Variants in ANKRD17 observed in about 807,000 individuals in gnomAD.
ANKRD17 encodes the protein ankyrin repeat domain-containing protein 17.
A neutral mutation model predicts 229.7 loss-of-function variants in ANKRD17; 19 were observed. The ratio of observed to expected loss-of-function variants is 0.08; its 90% CI spans 0.06 to 0.12. ANKRD17 has a LOEUF of 0.12. Ranked by LOEUF, ANKRD17 falls within the 10% of genes least tolerant of loss-of-function variation. The probability of loss-of-function intolerance (pLI) is 1.00; values close to 1 mark genes in which losing one functional copy is unlikely to be tolerated. For missense variants in ANKRD17, 2,176 were observed against 3,176.8 expected (o/e 0.68, Z 7.57); for synonymous variants, 1,112 against 1,146.1 (o/e 0.97, Z 0.60).
At chr4:73,207,872 A>G (rs926496364) in intron 1 of ANKRD17, among the ~76,000 whole-genome samples, 1 of 152,182 alleles carries the variant, frequency 6.6e-6, no homozygotes, top group Non-Finnish European at 1.5e-5. Flanking sequence ...AAACAAGTAG[A>G]CAGAAAAATC....
At position 73,097,198 on chromosome 4, in the gene ANKRD17, G is replaced by C; in HGVS notation, c.5096C>G (p.Ser1699Cys). 3 of 1,612,480 alleles carry C rather than the reference G, an allele frequency of 1.9e-6. No homozygotes were observed. Among genetic ancestry groups the C allele is most frequent in the Admixed American group, 1.7e-5 (1 of 59,762 alleles). ...TCTKSGPSPL[S>C]SPNGKLTVAS... ...TACTGTTAACTTCCCATTTGGAGAA[G>C]AAAGGGGAGATGGACCAGATTTTGT... is the stretch of plus-strand genomic sequence containing the variant. Residue 1699 changes from serine to cysteine, a missense_variant, in exon 27 of 34, where the codon TCT (serine) becomes TGT (cysteine). Coordinates refer to ENST00000358602, the MANE Select transcript of ANKRD17 (RefSeq NM_032217.5).
intron 1 of ANKRD17, among the ~76,000 whole-genome samples, chr4:73,228,783 G>A (rs9291182): frequency 0.58 from 88,237 of 151,972 alleles, 25,918 homozygotes; most frequent in South Asian, 0.65. Flanking sequence ...TGTTTCTAAC[G>A]TTCATACCCA....
chr4:73,200,199 T>C (rs1738464421), intron 1 of ANKRD17, among the ~76,000 whole-genome samples: 1 of 152,168 alleles, frequency 6.6e-6, no homozygotes, highest in Admixed American at 6.5e-5. Flanking sequence ...CAGTATTTAG[T>C]AAATAAATCT....
At chr4:73,189,569 C>T (rs1035243346) in intron 1 of ANKRD17, among the ~76,000 whole-genome samples, 6 of 151,928 alleles carry the variant, frequency 3.9e-5, no homozygotes, top group Admixed American at 6.6e-5. Flanking sequence ...GCTACCATTC[C>T]GCCCCCTCAG....
At position 73,091,293 on chromosome 4, in the gene ANKRD17, G is replaced by A. The variant is rs199889174; in HGVS notation, c.6335C>T (p.Pro2112Leu). The A allele has an allele frequency of 7.0e-5, 113 of 1,614,030 alleles. No homozygotes were observed. Among genetic ancestry groups the A allele is most frequent in the Middle Eastern group, 1.6e-4 (1 of 6,084 alleles). The change falls in exon 29 of 34, where the codon CCG becomes CTG. Residue 2112 changes from proline to leucine, a missense_variant. By Grantham distance (98) the Pro-to-Leu change is moderately conservative. Transcript: ENST00000358602. The part of the protein sequence containing the change: ...SSAHSNQQQP[P>L]GSVSQEPRPP... ...TCTTGGTTCCTGAGAAACAGATCCC[G>A]GAGGTTGTTGCTGATTAGAATGAGC...
chr4:73,123,010 T>C (rs1264554299), intron 18 of ANKRD17, among the ~76,000 whole-genome samples: 1 of 152,052 alleles, frequency 6.6e-6, no homozygotes, highest in African/African-American at 2.4e-5. Flanking sequence ...CCTCTTCTAT[T>C]GACACCAAAT....
intron 1 of ANKRD17, among the ~76,000 whole-genome samples, chr4:73,215,446 G>C (rs1412707437): frequency 1.3e-5 from 2 of 152,126 alleles, no homozygotes; most frequent in African/African-American, 2.4e-5. Flanking sequence ...TTTTAGTAGA[G>C]ACAGGGTTTC....
At chr4:73,111,518 T>C (rs187766573) in intron 24 of ANKRD17, among the ~76,000 whole-genome samples, 6 of 152,228 alleles carry the variant, frequency 3.9e-5, no homozygotes, top group Non-Finnish European at 5.9e-5. Context: ...TTTCAGACCA[T>C]AGGGAAAGCA....
chr4:73,176,761 T>C lies in ANKRD17; in HGVS notation c.547+619A>G, dbSNP rs1171361827. On this transcript the variant is annotated intron_variant, in intron 2 of 33. Coordinates refer to ENST00000358602, the MANE Select transcript of ANKRD17 (RefSeq NM_032217.5). Reference sequence around the variant, plus strand: ...AGGGATAAATGCTTTAGGTGATGGATAGCCCATTTACCCTGATGTGATTAT... The same window carrying C: ...AGGGATAAATGCTTTAGGTGATGGACAGCCCATTTACCCTGATGTGATTAT... Among the ~76,000 whole-genome samples the C allele has an allele frequency of 2.0e-5, 3 of 152,204 alleles. No homozygotes were observed. The East Asian group carries it at 5.8e-4, about 29-fold the overall frequency.
intron 23 of ANKRD17, among the ~76,000 whole-genome samples, chr4:73,114,207 GAACTACAATAAT>G (rs1725658990): frequency 6.6e-6 from 1 of 152,106 alleles, no homozygotes; most frequent in African/African-American, 2.4e-5. Context: ...ACAGCAAACA[GAACTACAATAAT>G]TTATGTTGGC....
chr4:73,191,150 G>A (rs1007068239), intron 1 of ANKRD17, among the ~76,000 whole-genome samples: 7 of 152,060 alleles, frequency 4.6e-5, no homozygotes, highest in Non-Finnish European at 4.4e-5. Context: ...CCTACCAGAT[G>A]TCAAATATAA....
At chr4:73,085,154 T>C (rs1721987368) in intron 30 of ANKRD17, 95 bp downstream of exon 30, 1 of 1,344,814 alleles carries the variant, frequency 7.4e-7, no homozygotes, top group Admixed American at 2.1e-5. Flanking sequence ...ACAAATTACC[T>C]TTTTATGGTA....
At position 73,177,374 on chromosome 4, in the gene ANKRD17, A is replaced by G; in HGVS notation, c.547+6T>C. ...AGGTAGACTTATTACTATGTAGAGT[A>G]CATACCTGCAGCTTCTAGTAAAGCT... On this transcript the variant is annotated splice_donor_region_variant and intron_variant, in intron 2 of 33. Coordinates refer to ENST00000358602, the MANE Select transcript of ANKRD17 (RefSeq NM_032217.5). 6.2e-7 allele frequency: 1 copy of G among 1,604,000 alleles called. No individual in the cohort carries two copies. The highest frequency in any genetic ancestry group is 1.1e-5 in the South Asian group (1 of 89,458).
At chr4:73,092,385 AACACACACACAGTTTTGTGTGTATAT>A in intron 28 of ANKRD17, 85 bp from the exon 29 acceptor site, 1 of 1,072,508 alleles carries the variant, frequency 9.3e-7, no homozygotes, top group Non-Finnish European at 1.3e-6. Context: ...TATGTACACA[AACACACACACAGTTTTGTGTGTATAT>A]ACATACACAC....
chr4:73,139,510 C>A, intron 15 of ANKRD17, 21 bp downstream of exon 15: 2 of 1,590,462 alleles, frequency 1.3e-6, no homozygotes, highest in Non-Finnish European at 8.6e-7. Context: ...TTGATACCTG[C>A]TCATAACAAT....
intron 24 of ANKRD17, among the ~76,000 whole-genome samples, chr4:73,108,385 A>G (rs1724898414): frequency 2.0e-5 from 3 of 152,330 alleles, no homozygotes; most frequent in East Asian, 3.9e-4. Flanking sequence ...TTTGGAATCA[A>G]CTGGTGTACA....
At chr4:73,221,438 T>C (rs986370334) in intron 1 of ANKRD17, among the ~76,000 whole-genome samples, 2 of 152,196 alleles carry the variant, frequency 1.3e-5, no homozygotes, top group African/African-American at 2.4e-5. Context: ...AAATCTGTTA[T>C]ATGCTGAAGT....
intron 1 of ANKRD17, among the ~76,000 whole-genome samples, chr4:73,197,374 G>C (rs1269822663): frequency 6.6e-6 from 1 of 152,150 alleles, no homozygotes; most frequent in African/African-American, 2.4e-5. Context: ...AAATAATATA[G>C]TTTAGGGAGA....
At chr4:73,141,525 A>T (rs1034499266) in intron 14 of ANKRD17, among the ~76,000 whole-genome samples, 9 of 152,240 alleles carry the variant, frequency 5.9e-5, no homozygotes, top group African/African-American at 2.2e-4. Flanking sequence ...TGCATCAAAG[A>T]TGAGCATCTG....
Sources: allele counts gnomAD v4.1 joint callset (sites outside exome capture counted in the v4.1 genomes callset), GRCh38; gene constraint gnomAD v4.1.1; transcripts MANE v1.5; gene names NCBI Gene and HGNC (gene_info 2026-07-23, HGNC 2026-07-21).